PID1: variants seen among roughly 807,000 people sequenced by gnomAD.
The protein encoded by PID1 is PTB-containing, cubilin and LRP1-interacting protein.
PID1 carries 10 observed loss-of-function variants against 19.1 expected under a neutral mutation model. The observed-to-expected ratio is 0.52, with a 90% confidence interval of 0.32 to 0.89. PID1 has a LOEUF of 0.89. PID1 is among the 40% of genes least tolerant of loss of function. The pLI, the probability that PID1 is intolerant of heterozygous loss-of-function variation, is 0.03. For synonymous variants in PID1, 130 were observed against 116.0 expected (o/e 1.12, Z -0.78); for missense variants, 248 against 285.3 (o/e 0.87, Z 0.94).
intron 2 of PID1, among the ~76,000 whole-genome samples, chr2:229,124,067 A>C (rs1695576208): frequency 6.6e-6 from 1 of 152,192 alleles, no homozygotes; most frequent in Admixed American, 6.5e-5. Flanking sequence ...CGAGACTGGA[A>C]GGCAGCACGA....
chr2:229,162,945 CAT>C (rs1465758689), intron 1 of PID1, among the ~76,000 whole-genome samples: 1 of 152,014 alleles, frequency 6.6e-6, no homozygotes. Context: ...AAATAAATGA[CAT>C]AAAATCAAAA....
chr2:229,116,105 T>C (rs1695406777), intron 2 of PID1, among the ~76,000 whole-genome samples: 2 of 152,012 alleles, frequency 1.3e-5, no homozygotes, highest in Admixed American at 1.3e-4. Context: ...TGGGTGCCTG[T>C]AGTCCCAGCT....
chr2:229,238,386 C>T (rs17321656), intron 1 of PID1, among the ~76,000 whole-genome samples: 21,543 of 152,068 alleles, frequency 0.14, 1,716 homozygotes, highest in South Asian at 0.18. Flanking sequence ...TTTCAAAAAC[C>T]GCAGGCCAGA....
At chr2:229,240,307 G>A (rs1312004699) in intron 1 of PID1, among the ~76,000 whole-genome samples, 2 of 151,600 alleles carry the variant, frequency 1.3e-5, no homozygotes, top group Non-Finnish European at 2.9e-5. Flanking sequence ...AAGGATTTAT[G>A]GTCAAAAAAA....
At chr2:229,048,639 T>C (rs1180002388) in intron 2 of PID1, among the ~76,000 whole-genome samples, 3 of 152,106 alleles carry the variant, frequency 2.0e-5, no homozygotes, top group Non-Finnish European at 2.9e-5. Flanking sequence ...TCTGGTGGGG[T>C]AGAAGTCAAA....
chr2:229,084,455 G>A (rs1440643697), intron 2 of PID1, among the ~76,000 whole-genome samples: 1 of 152,142 alleles, frequency 6.6e-6, no homozygotes, highest in Non-Finnish European at 1.5e-5. Context: ...TTCGCCTCCA[G>A]GTTAACCTAA....
At chr2:229,155,778 A>T in intron 2 of PID1, 40 bp downstream of exon 2, 2 of 1,559,214 alleles carry the variant, frequency 1.3e-6, no homozygotes, top group South Asian at 1.2e-5. Context: ...CTTTGAGGCT[A>T]TCTCACCAAG....
At chr2:229,043,526 A>G in intron 2 of PID1, among the ~76,000 whole-genome samples, 1 of 152,220 alleles carries the variant, frequency 6.6e-6, no homozygotes, top group East Asian at 1.9e-4. Context: ...GGATATTTTG[A>G]GACGAACGGC....
chr2:229,080,704 T>A (rs1694652593), intron 2 of PID1, among the ~76,000 whole-genome samples: 1 of 152,184 alleles, frequency 6.6e-6, no homozygotes, highest in Non-Finnish European at 1.5e-5. Context: ...GATGCAGTAG[T>A]GACTCAATAA....
At chr2:229,146,544 TGTG>T (rs1690139051) in intron 2 of PID1, among the ~76,000 whole-genome samples, 2 of 152,048 alleles carry the variant, frequency 1.3e-5, no homozygotes, top group African/African-American at 2.4e-5. Flanking sequence ...TGTGTGTGTG[TGTG>T]TGTGTTTGAC....
Position 229,163,656 on chromosome 2 carries a change from TGTGTGTGTGTGTGTGTGTGCGTGTGC to T in PID1, c.31-7718_31-7693del, listed in dbSNP as rs1267693005. On this transcript the variant is annotated intron_variant, in intron 1 of 2. Coordinates refer to ENST00000392055, the MANE Select transcript of PID1 (RefSeq NM_001100818.2). Reference sequence around the variant, plus strand: ...GACAGAGGGAGAGAGAGAGAGTGTGTGTGTGTGTGTGTGTGTGTGCGTGTGCGTGTGTGTGTGTGTATACTCACTAA... The same window carrying T: ...GACAGAGGGAGAGAGAGAGAGTGTGTGTGTGTGTGTGTGTATACTCACTAA... Among the ~76,000 whole-genome samples, 69 of 28,732 alleles carry T rather than the reference TGTGTGTGTGTGTGTGTGTGCGTGTGC, an allele frequency of 2.4e-3. No individual in the cohort carries two copies. The East Asian group carries it at 0.16, about 66-fold the overall frequency. The allele number at this position is 28,732 out of a possible 152,430, so 18.8% of individuals were successfully genotyped here. A position where few individuals can be genotyped will look rare whatever the true frequency, so the allele number is the denominator to read the frequency against.
intron 2 of PID1, among the ~76,000 whole-genome samples, chr2:229,097,902 T>TA (rs774615158): frequency 1.2e-4 from 18 of 152,328 alleles, no homozygotes; most frequent in Non-Finnish European, 2.2e-4. Flanking sequence ...GCCAGTTCGA[T>TA]AGAGCATAAG....
intron 2 of PID1, among the ~76,000 whole-genome samples, chr2:229,130,592 T>C (rs1689714229): frequency 6.6e-6 from 1 of 152,174 alleles, no homozygotes; most frequent in African/African-American, 2.4e-5. Context: ...ATGGGTCTAG[T>C]TGAAGCTGGT....
chr2:229,130,731 G>T (rs1043721348), intron 2 of PID1, among the ~76,000 whole-genome samples: 10 of 152,234 alleles, frequency 6.6e-5, no homozygotes, highest in African/African-American at 2.4e-4. Context: ...ATACAAAGCA[G>T]ATGCCCCCAG....
At chr2:229,228,701 A>G (rs890438072) in intron 1 of PID1, among the ~76,000 whole-genome samples, 3 of 149,592 alleles carry the variant, frequency 2.0e-5, no homozygotes, top group African/African-American at 7.5e-5. Context: ...ATGTGGATAG[A>G]TAATTTAACA....
In PID1 at chr2:229,243,609, T is replaced by A. The variant is rs16825898; in HGVS notation, c.30+27405A>T. Among the ~76,000 whole-genome samples, 640 of 152,154 alleles carry A rather than the reference T, an allele frequency of 4.2e-3. 4 individuals carry two copies. Among genetic ancestry groups the A allele is most frequent in the African/African-American group, 0.015 (610 of 41,516 alleles). The stretch of plus-strand genomic sequence containing the variant: ...TAAATGAATATCACCTTTAAAAAAA[T>A]TTTCTGTAGCTAACATTCTACAGGT... On this transcript the variant is annotated intron_variant, in intron 1 of 2. Transcript: ENST00000392055.
chr2:229,254,674 G>T (rs1260146526), intron 1 of PID1, among the ~76,000 whole-genome samples: 1 of 152,132 alleles, frequency 6.6e-6, no homozygotes, highest in African/African-American at 2.4e-5. Flanking sequence ...TATATGACTG[G>T]TGTTCAAGGG....
At chr2:229,183,211 G>A (rs1406847880) in intron 1 of PID1, among the ~76,000 whole-genome samples, 1 of 152,184 alleles carries the variant, frequency 6.6e-6, no homozygotes, top group East Asian at 1.9e-4. Flanking sequence ...GGAGGCAAGT[G>A]TCTATTATGC....
intron 1 of PID1, among the ~76,000 whole-genome samples, chr2:229,172,395 C>T (rs188813303): frequency 1.3e-5 from 2 of 152,302 alleles, no homozygotes; most frequent in Non-Finnish European, 2.9e-5. Flanking sequence ...TCCAACAGTG[C>T]CATGCTCTTT....
Sources: gnomAD v4.1 joint callset for allele counts (sites outside exome capture counted in the v4.1 genomes callset) on GRCh38, gnomAD v4.1.1 for gene constraint, MANE v1.5 for transcripts, NCBI Gene and HGNC (gene_info 2026-07-23, HGNC 2026-07-21) for gene names.